Variants in LEF1 observed in about 807,000 individuals in gnomAD.
LEF1 encodes lymphoid enhancer binding factor 1.
In LEF1, 14 loss-of-function variants were observed where a neutral mutation model predicts 51.2. The observed-to-expected ratio is 0.27, with a 90% CI of 0.18 to 0.43. LEF1 has a LOEUF of 0.43. LEF1 is among the 20% of genes least tolerant of loss of function. The pLI is 1.00. For synonymous variants in LEF1, 185 were observed against 183.2 expected (o/e 1.01, Z -0.08); for missense variants, 386 against 512.0 (o/e 0.75, Z 2.37).
chr4:108,051,596 CG>C (rs1263910772), intron 11 of LEF1, among the ~76,000 whole-genome samples: 20 of 152,276 alleles, frequency 1.3e-4, no homozygotes, highest in African/African-American at 4.6e-4. Context: ...TACTGCTCTC[CG>C]GCTGCGGCTG....
intron 3 of LEF1, among the ~76,000 whole-genome samples, chr4:108,115,003 T>C (rs764696809): frequency 2.0e-5 from 3 of 152,190 alleles, no homozygotes; most frequent in South Asian, 2.1e-4. Context: ...AGCATCCGAA[T>C]TGTGCTCCCA....
At position 108,081,343 on chromosome 4, in the gene LEF1, C is replaced by T. The variant is rs896477674; in HGVS notation, c.722+243G>A. On this transcript the variant is annotated intron_variant, in intron 6 of 11. Coordinates refer to ENST00000265165, the MANE Select transcript of LEF1 (RefSeq NM_016269.5). Reference sequence around the variant, plus strand: ...CGGCCATGAATTTGTTTGGAGGCAACGCTTTCCAAGGAGGCTGAGTCCATC... The same window carrying T: ...CGGCCATGAATTTGTTTGGAGGCAATGCTTTCCAAGGAGGCTGAGTCCATC... Among the ~76,000 whole-genome samples, 11 of 152,092 alleles carry T rather than the reference C, an allele frequency of 7.2e-5. No homozygotes were observed. In the East Asian group the frequency reaches 9.6e-4, roughly 13 times the overall value.
At chr4:108,156,893 A>C (rs531469400) in intron 3 of LEF1, among the ~76,000 whole-genome samples, 358 of 152,096 alleles carry the variant, frequency 2.4e-3, no homozygotes, top group African/African-American at 8.2e-3. Context: ...GAAATTTCTT[A>C]ATGGATATGT....
intron 5 of LEF1, 39 bp downstream of exon 5, chr4:108,083,317 G>A: frequency 7.4e-7 from 1 of 1,350,602 alleles, no homozygotes; most frequent in Non-Finnish European, 1.1e-6. Flanking sequence ...AGGAACATGT[G>A]TTCAAATGCC....
At chr4:108,125,498 C>A (rs1392243582) in intron 3 of LEF1, among the ~76,000 whole-genome samples, 1 of 152,114 alleles carries the variant, frequency 6.6e-6, no homozygotes, top group Admixed American at 6.6e-5. Flanking sequence ...GACTCGAGCT[C>A]TTTTAACTAT....
At chr4:108,140,745 C>T (rs1743594147) in intron 3 of LEF1, among the ~76,000 whole-genome samples, 1 of 152,224 alleles carries the variant, frequency 6.6e-6, no homozygotes, top group Admixed American at 6.5e-5. Flanking sequence ...ACCTCGATAG[C>T]TTTGCATGCC....
chr4:108,102,428 C>T (rs1740889511), intron 3 of LEF1, among the ~76,000 whole-genome samples: 1 of 152,160 alleles, frequency 6.6e-6, no homozygotes, highest in Non-Finnish European at 1.5e-5. Context: ...AGCAAAGGCA[C>T]CACTCTGTAC....
chr4:108,092,917 TAA>T lies in LEF1; in HGVS notation c.415-3662_415-3661del, dbSNP rs71592104. On this transcript the variant is annotated intron_variant, in intron 3 of 11. Coordinates refer to ENST00000265165, the MANE Select transcript of LEF1 (RefSeq NM_016269.5). ...GTGGGTATTGGAAACAATGAATATG[TAA>T]AAAAAAAAAAAAAAAAAAAAAAAAA... Among the ~76,000 whole-genome samples the T allele has an allele frequency of 6.5e-3, 203 of 31,104 alleles. 1 individual carries two copies. The highest frequency in any genetic ancestry group is 0.014 in the African/African-American group (69 of 5,082). The allele number at this position is 31,104 out of a possible 152,430, so 20.4% of individuals were successfully genotyped here. A position where few individuals can be genotyped will look rare whatever the true frequency, so the allele number is the denominator to read the frequency against.
In LEF1 at chr4:108,155,755, G is replaced by C. The variant is rs561392670; in HGVS notation, c.414+7813C>G. On this transcript the variant is annotated intron_variant, in intron 3 of 11. Coordinates refer to ENST00000265165, the MANE Select transcript of LEF1 (RefSeq NM_016269.5). ...CCATTTAACCTTCCCAAAGTTTTCAGAAGAAGATGATGGAGACCCGACATT... is the reference window on the plus strand; with the variant it reads ...CCATTTAACCTTCCCAAAGTTTTCACAAGAAGATGATGGAGACCCGACATT... Among the ~76,000 whole-genome samples, 6 of 152,316 alleles carry C rather than the reference G, an allele frequency of 3.9e-5. No individual in the cohort carries two copies. In the South Asian group the frequency reaches 1.2e-3, roughly 32 times the overall value.
At chr4:108,106,918 G>A (rs749882400) in intron 3 of LEF1, among the ~76,000 whole-genome samples, 5 of 152,098 alleles carry the variant, frequency 3.3e-5, no homozygotes, top group African/African-American at 4.8e-5. Flanking sequence ...GCATGGAGGC[G>A]GACACAGGTT....
intron 3 of LEF1, among the ~76,000 whole-genome samples, chr4:108,105,485 C>T (rs1741105837): frequency 2.0e-5 from 3 of 152,094 alleles, no homozygotes; most frequent in African/African-American, 7.2e-5. Flanking sequence ...CCAGCCTGAA[C>T]CCGCTTTTAA....
chr4:108,121,931 T>C (rs1007065138), intron 3 of LEF1, among the ~76,000 whole-genome samples: 6 of 152,258 alleles, frequency 3.9e-5, no homozygotes, highest in Admixed American at 3.9e-4. Flanking sequence ...GAGTTTTCCT[T>C]ATTGATAAAT....
At chr4:108,099,599 T>A (rs182598632) in intron 3 of LEF1, among the ~76,000 whole-genome samples, 3 of 121,986 alleles carry the variant, frequency 2.5e-5, no homozygotes, top group Non-Finnish European at 3.6e-5. Flanking sequence ...TATATATATA[T>A]ATATATATAT....
At chr4:108,160,421 A>C (rs1744991224) in intron 3 of LEF1, among the ~76,000 whole-genome samples, 1 of 152,234 alleles carries the variant, frequency 6.6e-6, no homozygotes, top group South Asian at 2.1e-4. Context: ...TCTGTGAAGA[A>C]GACCAACTCA....
intron 4 of LEF1, among the ~76,000 whole-genome samples, chr4:108,087,430 T>A (rs6853083): frequency 0.83 from 125,517 of 151,452 alleles, 53,349 homozygotes; most frequent in East Asian, 0.96. Context: ...AGTTTTTTTT[T>A]AAAAAAAGTT....
intron 3 of LEF1, among the ~76,000 whole-genome samples, chr4:108,096,169 G>C (rs191052178): frequency 6.6e-6 from 1 of 152,132 alleles, no homozygotes; most frequent in Non-Finnish European, 1.5e-5. Flanking sequence ...GGTTGATTCA[G>C]AGGTCAAATA....
intron 3 of LEF1, among the ~76,000 whole-genome samples, chr4:108,125,215 G>A (rs1742449076): frequency 6.6e-6 from 1 of 152,018 alleles, no homozygotes; most frequent in Non-Finnish European, 1.5e-5. Context: ...CCAGGCTGGA[G>A]TGCAGTGGCG....
chr4:108,079,381 T>C (rs1739132661), intron 7 of LEF1, 111 bp downstream of exon 7: 2 of 1,240,680 alleles, frequency 1.6e-6, no homozygotes, highest in South Asian at 1.3e-5. Flanking sequence ...AGAGGTGCAT[T>C]GAGTTTCACA....
intron 3 of LEF1, among the ~76,000 whole-genome samples, chr4:108,143,208 T>C (rs557653845): frequency 6.6e-6 from 1 of 152,338 alleles, no homozygotes; most frequent in East Asian, 1.9e-4. Flanking sequence ...TTTAACAACC[T>C]GCCTACTTCA....
Sources: allele counts gnomAD v4.1 joint callset (sites outside exome capture counted in the v4.1 genomes callset), GRCh38; gene constraint gnomAD v4.1.1; transcripts MANE v1.5; gene names NCBI Gene and HGNC (gene_info 2026-07-23, HGNC 2026-07-21).